The following ESD variants were observed in gnomAD, a reference collection of about 807,000 sequenced individuals.
ESD encodes S-formylglutathione hydrolase.
ESD carries 34 observed loss-of-function variants against 38.1 expected under a neutral mutation model. The observed-to-expected ratio is 0.89, with a 90% CI of 0.68 to 1.19. ESD has a LOEUF of 1.19. Ranked by LOEUF, ESD falls within the 50% of genes most tolerant of loss-of-function variation. ESD has a pLI of 0.00. For synonymous variants in ESD, 97 were observed against 107.0 expected, an observed-to-expected ratio of 0.91 and a Z score of 0.58; for missense variants, 334 against 327.2, an observed-to-expected ratio of 1.02 and a Z score of -0.16.
chr13:46,795,756 C>CTT (rs201133945), intron 1 of ESD, among the ~76,000 whole-genome samples: 1 of 143,372 alleles, frequency 7.0e-6, no homozygotes. Flanking sequence ...TTTTTTTCTT[C>CTT]TTTTTTTTTT....
rs772177874 is a variant in ESD, at chr13:46,782,704, T to C, written c.344A>G (p.Lys115Arg). The change falls in exon 6 of 10, where the codon AAA becomes AGA. Residue 115 changes from lysine (K) to arginine (R), a missense_variant. Coordinates refer to ENST00000378720, the MANE Select transcript of ESD (RefSeq NM_001984.2). Reference sequence around the variant, plus strand: ...ATAAGAGTACATTCTGTAGTTGGTTTTCCAAGGATCTTCAGTGGCATCAAC... The same window carrying C: ...ATAAGAGTACATTCTGTAGTTGGTTCTCCAAGGATCTTCAGTGGCATCAAC... ...FYVDATEDPW[K>R]TNYRMYSYVT... is the part of the protein sequence containing the mutation. 6.2e-7 allele frequency: 1 copy of C among 1,612,358 alleles called. No homozygotes were observed. The highest frequency in any genetic ancestry group is 1.1e-5 in the South Asian group (1 of 91,022).
chr13:46,791,521 T>G (rs932507503), intron 2 of ESD, 101 bp from the exon 3 acceptor site: 1 of 807,172 alleles, frequency 1.2e-6, no homozygotes, highest in South Asian at 1.8e-5. Flanking sequence ...AACATACAAC[T>G]ATTTTCTACT....
chr13:46,792,736 C>T (rs1875440818), intron 2 of ESD, among the ~76,000 whole-genome samples: 1 of 151,984 alleles, frequency 6.6e-6, no homozygotes, highest in South Asian at 2.1e-4. Flanking sequence ...AATAAACTCC[C>T]ATGAGATGTT....
Position 46,771,399 on chromosome 13 carries a change from T to C in ESD, c.*17A>G, listed in dbSNP as rs1566275203. 6 of 1,524,566 alleles carry C rather than the reference T, an allele frequency of 3.9e-6. No homozygotes were observed. The South Asian group carries it at 5.8e-5, about 15-fold the overall frequency. The allele number at this position is 1,524,566 out of a possible 1,614,324, so 94.4% of individuals were successfully genotyped here. A position where few individuals can be genotyped will look rare whatever the true frequency, so the allele number is the denominator to read the frequency against. On this transcript the variant is annotated 3_prime_UTR_variant, in exon 10 of 10. Coordinates refer to ENST00000378720, the MANE Select transcript of ESD (RefSeq NM_001984.2). ...AACTTTTATAATCCTGAAGAGATTC[T>C]CTTATTTGGAGTTTTTTCATGCATT...
At chr13:46,785,165 G>A (rs1875150126) in intron 4 of ESD, among the ~76,000 whole-genome samples, 1 of 151,916 alleles carries the variant, frequency 6.6e-6, no homozygotes, top group Non-Finnish European at 1.5e-5. Context: ...AGAAGTTTCT[G>A]TTATTTTTCC....
rs768976399 is a variant in ESD at position 46,777,420 on chromosome 13, A to G, written c.768+36T>C. The G allele has an allele frequency of 8.2e-6, 12 of 1,470,614 alleles. No homozygotes were observed. In the South Asian group the frequency reaches 1.6e-4, roughly 19 times the overall value. The allele number at this position is 1,470,614 out of a possible 1,614,324, so 91.1% of individuals were successfully genotyped here. ...CAGAATCCTAATTTTTCATAGTTACATTATCTAGATCAAGCTAAAGTTTCC... is the reference window on the plus strand; with the variant it reads ...CAGAATCCTAATTTTTCATAGTTACGTTATCTAGATCAAGCTAAAGTTTCC... On this transcript the variant is annotated intron_variant, in intron 9 of 9. Coordinates refer to ENST00000378720, the MANE Select transcript of ESD (RefSeq NM_001984.2).
At chr13:46,790,004 A>T (rs957075052) in intron 3 of ESD, among the ~76,000 whole-genome samples, 15 of 87,036 alleles carry the variant, frequency 1.7e-4, no homozygotes, top group African/African-American at 3.5e-4. Context: ...ATATATATAT[A>T]TATATTTTTT....
intron 9 of ESD, among the ~76,000 whole-genome samples, chr13:46,771,788 CATTA>C (rs147209852): frequency 0.019 from 2,892 of 152,132 alleles, 86 homozygotes; most frequent in African/African-American, 0.065. Flanking sequence ...GGAAGTAACA[CATTA>C]ATTAAATATG....
intron 1 of ESD, among the ~76,000 whole-genome samples, 162 bp downstream of exon 1, chr13:46,796,943 T>A (rs940761819): frequency 7.2e-5 from 11 of 152,338 alleles, no homozygotes; most frequent in Admixed American, 3.9e-4. Context: ...CTTGGCCTCC[T>A]GTCATGGATG....
rs1393312447 is a variant in ESD at position 46,777,501 on chromosome 13, A to G, written c.723T>C (p.Ala241=). ...CGGGGATTTTCTTTTCTGTACAGGC[A>G]GCTATGAAGTTATCAGGGAGTAACT... The part of the protein sequence containing the change: ...DGQLLPDNFI[A]ACTEKKIPVV... The change falls in exon 9 of 10, where the codon GCT becomes GCC. Residue 241 remains alanine, a synonymous_variant. Coordinates refer to ENST00000378720, the MANE Select transcript of ESD (RefSeq NM_001984.2). 1.2e-6 allele frequency: 2 copies of G among 1,610,288 alleles called. No homozygotes were observed. The highest frequency in any genetic ancestry group is 2.2e-5 in the South Asian group (2 of 90,582).
intron 9 of ESD, among the ~76,000 whole-genome samples, chr13:46,774,155 A>G (rs1388080606): frequency 6.6e-6 from 1 of 152,146 alleles, no homozygotes; most frequent in African/African-American, 2.4e-5. Context: ...ATGAATAGCC[A>G]TCATTATTAT....
At chr13:46,795,882 G>A (rs1201132469) in intron 1 of ESD, among the ~76,000 whole-genome samples, 1 of 151,888 alleles carries the variant, frequency 6.6e-6, no homozygotes, top group Non-Finnish European at 1.5e-5. Context: ...AGCCTCTGGA[G>A]TAGTTGGGAC....
intron 3 of ESD, among the ~76,000 whole-genome samples, chr13:46,788,272 C>T (rs1875266788): frequency 6.6e-6 from 1 of 152,006 alleles, no homozygotes; most frequent in Non-Finnish European, 1.5e-5. Context: ...TGCTCCTTTC[C>T]ATTCTCTGCA....
intron 2 of ESD, among the ~76,000 whole-genome samples, chr13:46,792,846 T>C (rs1478237394): frequency 2.6e-5 from 4 of 152,044 alleles, no homozygotes; most frequent in Non-Finnish European, 5.9e-5. Flanking sequence ...AATACATATA[T>C]ATGAGACCAA....
intron 9 of ESD, among the ~76,000 whole-genome samples, chr13:46,775,209 C>T (rs1874747540): frequency 6.6e-6 from 1 of 150,780 alleles, no homozygotes. Context: ...TCCCTGAAGC[C>T]AAAATAGAAA....
chr13:46,787,191 A>G, intron 3 of ESD, 82 bp from the exon 4 acceptor site: 1 of 710,006 alleles, frequency 1.4e-6, no homozygotes, highest in Admixed American at 3.1e-5. Context: ...CACTATATAA[A>G]AAGTAAGATA....
In ESD at chr13:46,779,953, T is replaced by C. The variant is rs758417786; in HGVS notation, c.582A>G (p.Thr194=). The change falls in exon 8 of 10, where the codon ACA becomes ACG. Residue 194 remains threonine (T), a synonymous_variant. Transcript: ENST00000378720. ...GKKAFSGYLG[T]DQSKWKAYDA... Reference sequence around the variant, plus strand: ...TACCTACCTTCCATTTACTTTGATCTGTTCCCAAATATCCACTAAAGGCTT... The same window carrying C: ...TACCTACCTTCCATTTACTTTGATCCGTTCCCAAATATCCACTAAAGGCTT... 6.2e-7 allele frequency: 1 copy of C among 1,605,296 alleles called. No homozygotes were observed. Among genetic ancestry groups the C allele is most frequent in the Non-Finnish European group, 8.5e-7 (1 of 1,174,290 alleles).
chr13:46,778,851 A>G (rs1874896450), intron 8 of ESD, among the ~76,000 whole-genome samples: 1 of 151,882 alleles, frequency 6.6e-6, no homozygotes, highest in Admixed American at 6.6e-5. Flanking sequence ...GAACCCTTTA[A>G]TTAGTTAGAA....
chr13:46,783,978 T>C lies in ESD; in HGVS notation c.256+274A>G, dbSNP rs182706178. On this transcript the variant is annotated intron_variant, in intron 5 of 9. Transcript: ENST00000378720. ...TTTTGACAGTAGTGCCAACATGATA[T>C]ATGAATTGAGTTGCTCAATCTCTGC... 6.6e-5 allele frequency among the ~76,000 whole-genome samples: 10 copies of C among 152,070 alleles called. No individual in the cohort carries two copies. The South Asian group carries it at 1.7e-3, about 25-fold the overall frequency.
Sources: gnomAD v4.1 joint callset for allele counts (sites outside exome capture counted in the v4.1 genomes callset) on GRCh38, gnomAD v4.1.1 for gene constraint, MANE v1.5 for transcripts, NCBI Gene and HGNC (gene_info 2026-07-23, HGNC 2026-07-21) for gene names.